The following TSPAN5 variants were observed in gnomAD, a reference collection of about 807,000 sequenced individuals.
TSPAN5 encodes tetraspanin-5.
A neutral mutation model predicts 37.1 loss-of-function variants in TSPAN5; 10 were observed. The observed-to-expected ratio is 0.27, with a 90% CI of 0.17 to 0.46. TSPAN5 has a LOEUF of 0.46. Among genes scored for constraint, TSPAN5 ranks in the 20% least tolerant of loss-of-function variants. The pLI is 1.00. For missense variants in TSPAN5, 195 were observed against 326.6 expected, an observed-to-expected ratio of 0.60 and a Z score of 3.11; for synonymous variants, 110 against 118.9, an observed-to-expected ratio of 0.93 and a Z score of 0.48.
At chr4:98,637,197 C>T (rs1415709770) in intron 1 of TSPAN5, among the ~76,000 whole-genome samples, 2 of 152,174 alleles carry the variant, frequency 1.3e-5, no homozygotes, top group African/African-American at 4.8e-5. Flanking sequence ...GAAGGACTGC[C>T]GTTGCTCCTG....
intron 1 of TSPAN5, among the ~76,000 whole-genome samples, chr4:98,536,723 C>A (rs1754241753): frequency 6.6e-6 from 1 of 152,238 alleles, no homozygotes; most frequent in South Asian, 2.1e-4. Flanking sequence ...GGCGGTCTGG[C>A]CCCAGCAGCC....
At chr4:98,650,282 C>T (rs1318013864) in intron 1 of TSPAN5, among the ~76,000 whole-genome samples, 1 of 152,098 alleles carries the variant, frequency 6.6e-6, no homozygotes, top group Non-Finnish European at 1.5e-5. Context: ...TGGTAGGCTT[C>T]CTACGTTTAC....
intron 4 of TSPAN5, 22 bp from the exon 5 acceptor site, chr4:98,478,832 T>C (rs1752766998): frequency 9.3e-6 from 15 of 1,610,784 alleles, no homozygotes; most frequent in Non-Finnish European, 1.2e-5. Context: ...AGGAAAGAAT[T>C]AGAACATCCC....
intron 5 of TSPAN5, 51 bp from the exon 6 acceptor site, chr4:98,476,511 C>A (rs757353777): frequency 7.0e-6 from 11 of 1,579,706 alleles, no homozygotes; most frequent in Non-Finnish European, 9.6e-6. Context: ...AGACAGAAAG[C>A]CCACCTAGAA....
At chr4:98,507,599 G>C in intron 2 of TSPAN5, 79 bp downstream of exon 2, 1 of 1,089,054 alleles carries the variant, frequency 9.2e-7, no homozygotes, top group Non-Finnish European at 1.3e-6. Flanking sequence ...GGTTGTCAAA[G>C]AGAAAGGGGG....
chr4:98,558,904 GTCT>G (rs35701867), intron 1 of TSPAN5, among the ~76,000 whole-genome samples: 6,870 of 152,230 alleles, frequency 0.045, 192 homozygotes, highest in East Asian at 0.067. Context: ...ACCTGTGAAT[GTCT>G]TCTTGTTTAA....
intron 7 of TSPAN5, among the ~76,000 whole-genome samples, chr4:98,475,688 C>T (rs7697465): frequency 0.026 from 3,988 of 152,186 alleles, 66 homozygotes; most frequent in Middle Eastern, 0.071. Context: ...AAACTCAGAG[C>T]TTTAATAAAA....
intron 1 of TSPAN5, among the ~76,000 whole-genome samples, chr4:98,539,801 C>T (rs1754318280): frequency 7.1e-6 from 1 of 140,402 alleles, no homozygotes; most frequent in South Asian, 2.5e-4. Flanking sequence ...CAGAATACAA[C>T]AGAAGTGCAG....
intron 7 of TSPAN5, among the ~76,000 whole-genome samples, chr4:98,474,133 A>T (rs1259517501): frequency 6.6e-6 from 1 of 152,194 alleles, no homozygotes; most frequent in East Asian, 1.9e-4. Context: ...AGTCACAAAT[A>T]TTTATGCCTA....
At position 98,476,250 on chromosome 4, in the gene TSPAN5, T is replaced by G. The variant is rs1752692745; in HGVS notation, c.680A>C (p.Lys227Thr). The change falls in exon 7 of 8, where the codon AAG becomes ACG. Residue 227 changes from lysine to threonine, a missense_variant. Transcript: ENST00000305798. ...YTKGCVPQFE[K>T]WLQDNLTIVA... Reference sequence around the variant, plus strand: ...GATGGTTAAATTGTCCTGCAACCACTTCTCAAACTGGGGCACACAGCCTTT... The same window carrying G: ...GATGGTTAAATTGTCCTGCAACCACGTCTCAAACTGGGGCACACAGCCTTT... The G allele has an allele frequency of 1.2e-6, 2 of 1,614,234 alleles. No individual in the cohort carries two copies. Among genetic ancestry groups the G allele is most frequent in the Non-Finnish European group, 1.7e-6 (2 of 1,180,042 alleles).
intron 3 of TSPAN5, 159 bp from the exon 4 acceptor site, chr4:98,482,334 T>A (rs753902185): frequency 9.9e-6 from 6 of 607,414 alleles, no homozygotes; most frequent in Non-Finnish European, 1.6e-5. Context: ...TAATAGAATA[T>A]TACACTCCAA....
intron 1 of TSPAN5, 119 bp downstream of exon 1, chr4:98,658,027 A>ATGC: frequency 1.1e-6 from 1 of 878,606 alleles, no homozygotes; most frequent in Middle Eastern, 2.2e-4. Flanking sequence ...GAATGCCTCT[A>ATGC]TGCTGCTCCG....
chr4:98,549,831 C>A, intron 1 of TSPAN5, among the ~76,000 whole-genome samples: 1 of 151,706 alleles, frequency 6.6e-6, no homozygotes, highest in East Asian at 1.9e-4. Flanking sequence ...TTTCCTCATT[C>A]TGTAGGTTTA....
chr4:98,648,582 T>C (rs1757117668), intron 1 of TSPAN5, among the ~76,000 whole-genome samples: 1 of 152,254 alleles, frequency 6.6e-6, no homozygotes, highest in South Asian at 2.1e-4. Context: ...TTTCTCATTT[T>C]GTTTTTAGGG....
chr4:98,552,245 T>A (rs771130506), intron 1 of TSPAN5, among the ~76,000 whole-genome samples: 1 of 152,214 alleles, frequency 6.6e-6, no homozygotes, highest in Admixed American at 6.5e-5. Flanking sequence ...CTTGTAACTT[T>A]GAGTTTGGTT....
At chr4:98,634,655 G>T (rs1337487704) in intron 1 of TSPAN5, among the ~76,000 whole-genome samples, 1 of 152,146 alleles carries the variant, frequency 6.6e-6, no homozygotes, top group Non-Finnish European at 1.5e-5. Context: ...TTTCTTGAAA[G>T]ACATATTCCC....
intron 1 of TSPAN5, among the ~76,000 whole-genome samples, chr4:98,555,976 C>CGCACACACACGTGCGT (rs908635894): frequency 8.2e-6 from 1 of 122,314 alleles, no homozygotes; most frequent in Non-Finnish European, 1.6e-5. Context: ...CACACGCGCG[C>CGCACACACACGTGCGT]GCACACACAC....
At chr4:98,513,263 A>G (rs1172357037) in intron 1 of TSPAN5, among the ~76,000 whole-genome samples, 1 of 152,140 alleles carries the variant, frequency 6.6e-6, no homozygotes, top group Non-Finnish European at 1.5e-5. Flanking sequence ...CTTGTAGCCC[A>G]CCTTAAGGAA....
chr4:98,513,859 CAAATAGAT>C (rs879832330), intron 1 of TSPAN5, among the ~76,000 whole-genome samples: 75 of 127,690 alleles, frequency 5.9e-4, no homozygotes, highest in Non-Finnish European at 9.7e-4. Flanking sequence ...TCATAAAAAG[CAAATAGAT>C]AGATAGATAG....
Sources: gnomAD v4.1 joint callset for allele counts (sites outside exome capture counted in the v4.1 genomes callset) on GRCh38, gnomAD v4.1.1 for gene constraint, MANE v1.5 for transcripts, NCBI Gene and HGNC (gene_info 2026-07-23, HGNC 2026-07-21) for gene names.